Variants in RIIAD1 observed in about 807,000 individuals in gnomAD.
RIIAD1 encodes the protein regulatory subunit of type II PKA R-subunit domain containing 1, also known as RIIa domain-containing protein 1.
A neutral mutation model predicts 13.3 loss-of-function variants in RIIAD1; 15 were observed. The observed-to-expected ratio is 1.13, with a 90% CI of 0.76 to 1.74. RIIAD1 has a LOEUF of 1.74. Among genes scored for constraint, RIIAD1 ranks in the 40% most tolerant of loss-of-function variants. The probability of loss-of-function intolerance (pLI) is 0.00; values close to 1 mark genes in which losing one functional copy is unlikely to be tolerated. For missense variants in RIIAD1, 121 were observed against 112.2 expected (o/e 1.08, Z -0.35); for synonymous variants, 50 against 43.3 (o/e 1.16, Z -0.61).
chr1:151,728,847 C>A lies in RIIAD1; in HGVS notation c.*11C>A, dbSNP rs1164385875. The A allele has an allele frequency of 2.0e-6, 3 of 1,476,568 alleles. No homozygotes were observed. In the Admixed American group the frequency reaches 5.9e-5, roughly 29 times the overall value. 91.5% of individuals were successfully genotyped at this position (1,476,568 alleles called of 1,614,324 possible). On this transcript the variant is annotated 3_prime_UTR_variant, in exon 4 of 5. Transcript: ENST00000479191. ...AAGAAAGCGGCTTAATTAGCAAAAT[C>A]ATGATGCTCAGCTGTTGGGAGAGAC...
intron 3 of RIIAD1, chr1:151,714,320 G>C (rs1275822838): frequency 1.7e-6 from 1 of 602,116 alleles, no homozygotes; most frequent in East Asian, 2.8e-5. Flanking sequence ...CCTCCCTCTA[G>C]TGTTGCCCCA....
intron 4 of RIIAD1, chr1:151,715,928 A>G: frequency 3.1e-6 from 5 of 1,614,118 alleles, no homozygotes; most frequent in Non-Finnish European, 4.2e-6. Flanking sequence ...CAAAGATCCG[A>G]CCAAACTGTT....
intron 2 of RIIAD1, among the ~76,000 whole-genome samples, chr1:151,725,508 G>C (rs1349512022): frequency 6.6e-6 from 1 of 152,106 alleles, no homozygotes; most frequent in Non-Finnish European, 1.5e-5. Context: ...CATATCCTAA[G>C]CTGGATGAAC....
upstream of RIIAD1, among the ~76,000 whole-genome samples, chr1:151,720,724 G>A (rs1249324033): frequency 6.6e-6 from 1 of 152,168 alleles, no homozygotes; most frequent in Non-Finnish European, 1.5e-5. Context: ...TGCTGAGCAC[G>A]ATCTCTGTGG....
chr1:151,726,246 G>T (rs958463222), intron 2 of RIIAD1, among the ~76,000 whole-genome samples: 1 of 152,182 alleles, frequency 6.6e-6, no homozygotes, highest in Non-Finnish European at 1.5e-5. Context: ...ATCTCCCAGA[G>T]CACTATTTAA....
At chr1:151,722,251 T>TA in intron 2 of RIIAD1, 89 bp downstream of exon 2, 1 of 769,104 alleles carries the variant, frequency 1.3e-6, no homozygotes, top group Non-Finnish European at 2.2e-6. Flanking sequence ...TCTAAATTCT[T>TA]AAAAATATGT....
At chr1:151,719,778 G>A, upstream of RIIAD1, 2 of 627,838 alleles carry the variant, frequency 3.2e-6, no homozygotes, top group Non-Finnish European at 5.7e-6. Context: ...GGGCATTTGG[G>A]TCATAGGATG....
chr1:151,711,823 G>GAT (rs1296344912), intron 1 of RIIAD1: 8 of 152,310 alleles, frequency 5.3e-5, no homozygotes, highest in African/African-American at 1.9e-4. Flanking sequence ...CAGGCCTGGG[G>GAT]ATTTGCTGTT....
intron 3 of RIIAD1, chr1:151,728,481 TG>T (rs1272496583): frequency 6.3e-5 from 13 of 207,486 alleles, no homozygotes; most frequent in Middle Eastern, 1.0e-3. Context: ...TCGGGGTAGG[TG>T]GGGGGTGGGG....
upstream of RIIAD1, among the ~76,000 whole-genome samples, chr1:151,718,371 G>C (rs1673644970): frequency 6.6e-6 from 1 of 152,200 alleles, no homozygotes; most frequent in South Asian, 2.1e-4. Context: ...CTAGAAAGAG[G>C]TCTAGCTGAG....
upstream of RIIAD1, chr1:151,719,498 A>C: frequency 1.6e-6 from 1 of 618,322 alleles, no homozygotes; most frequent in Non-Finnish European, 2.9e-6. Context: ...GAAATGCTGG[A>C]TAATTGGGAT....
chr1:151,717,088 G>T (rs1673540955), upstream of RIIAD1, among the ~76,000 whole-genome samples: 1 of 152,124 alleles, frequency 6.6e-6, no homozygotes, highest in African/African-American at 2.4e-5. Flanking sequence ...GGGGTCCATT[G>T]TTCCGGGGGC....
chr1:151,720,525 C>T (rs1364769586), upstream of RIIAD1, among the ~76,000 whole-genome samples: 1 of 152,234 alleles, frequency 6.6e-6, no homozygotes, highest in Non-Finnish European at 1.5e-5. Context: ...GGCTTGGGAA[C>T]TGCCAACACT....
chr1:151,723,623 C>T (rs973142614), intron 2 of RIIAD1, among the ~76,000 whole-genome samples: 12 of 152,226 alleles, frequency 7.9e-5, no homozygotes, highest in African/African-American at 2.9e-4. Context: ...TCGCTTAAAC[C>T]TGGGAGGCAG....
chr1:151,715,861 T>C, intron 4 of RIIAD1: 1 of 1,567,740 alleles, frequency 6.4e-7, no homozygotes, highest in Non-Finnish European at 8.7e-7. Flanking sequence ...CTCTTCAGCC[T>C]GCCCGACCCC....
chr1:151,725,449 T>C (rs553755214), intron 2 of RIIAD1, among the ~76,000 whole-genome samples: 1 of 152,270 alleles, frequency 6.6e-6, no homozygotes, highest in East Asian at 1.9e-4. Flanking sequence ...ACAACGTTGC[T>C]TTTTTGGGTT....
At chr1:151,712,410 G>A (rs1025401215) in intron 2 of RIIAD1, among the ~76,000 whole-genome samples, 1 of 152,188 alleles carries the variant, frequency 6.6e-6, no homozygotes, top group Non-Finnish European at 1.5e-5. Context: ...TGCCACTCCT[G>A]GCTCCACACT....
At chr1:151,726,131 CCTG>C (rs1423549610) in intron 2 of RIIAD1, among the ~76,000 whole-genome samples, 1 of 152,194 alleles carries the variant, frequency 6.6e-6, no homozygotes, top group Non-Finnish European at 1.5e-5. Flanking sequence ...CAACCCTCAT[CCTG>C]CCTACTACAA....
intron 3 of RIIAD1, among the ~76,000 whole-genome samples, chr1:151,713,845 A>G (rs1673232573): frequency 6.6e-6 from 1 of 152,198 alleles, no homozygotes; most frequent in Admixed American, 6.5e-5. Flanking sequence ...AGGCCATGGA[A>G]GGGCTTGGGA....
Sources: allele counts gnomAD v4.1 joint callset (sites outside exome capture counted in the v4.1 genomes callset), GRCh38; gene constraint gnomAD v4.1.1; transcripts MANE v1.5; gene names NCBI Gene and HGNC (gene_info 2026-07-23, HGNC 2026-07-21).